ILF2: variants seen among roughly 807,000 people sequenced by gnomAD.
ILF2 encodes the protein interleukin enhancer binding factor 2.
In ILF2, 9 loss-of-function variants were observed where a neutral mutation model predicts 55.3. That is an observed-to-expected ratio of 0.16 (90% CI 0.10 to 0.28). The LOEUF (loss-of-function observed/expected upper bound fraction) is 0.28. Ranked by LOEUF, ILF2 falls within the 10% of genes least tolerant of loss-of-function variation. ILF2 has a pLI of 1.00. For missense variants in ILF2, 266 were observed against 474.9 expected (o/e 0.56, Z 4.09); for synonymous variants, 151 against 161.8 (o/e 0.93, Z 0.50).
intron 4 of ILF2, 123 bp downstream of exon 4, chr1:153,668,330 A>G (rs1669359724): frequency 7.3e-6 from 9 of 1,227,578 alleles, no homozygotes; most frequent in Non-Finnish European, 1.0e-5. Context: ...TAAGGAGAAC[A>G]ATTAAACCCT....
At position 153,662,216 on chromosome 1, in the gene ILF2, A is replaced by T. The variant is rs1314051837; in HGVS notation, c.*180T>A. The T allele has an allele frequency of 1.4e-6, 1 of 691,120 alleles. No individual in the cohort carries two copies. The highest frequency in any genetic ancestry group is 1.8e-5 in the African/African-American group (1 of 56,384). 42.8% of individuals were successfully genotyped at this position (691,120 alleles called of 1,614,324 possible). On this transcript the variant is annotated 3_prime_UTR_variant, in exon 14 of 14. Coordinates refer to ENST00000361891, the MANE Select transcript of ILF2 (RefSeq NM_004515.4). ...TATAGATGGATGGCATAGGTCACAA[A>T]TGGGAGACTGGCAGCTAAGCCAATA...
chr1:153,664,709 G>A (rs961707318), intron 8 of ILF2, among the ~76,000 whole-genome samples: 33 of 152,122 alleles, frequency 2.2e-4, no homozygotes, highest in African/African-American at 7.2e-4. Context: ...ACAGGTAACC[G>A]CCATCATGCC....
intron 10 of ILF2, 71 bp from the exon 11 acceptor site, chr1:153,663,347 G>T: frequency 7.2e-7 from 1 of 1,382,636 alleles, no homozygotes; most frequent in Non-Finnish European, 1.0e-6. Flanking sequence ...TTATTTTTTA[G>T]AGACAGGGCC....
intron 6 of ILF2, 71 bp downstream of exon 6, chr1:153,667,483 CA>C (rs922917485): frequency 4.5e-6 from 5 of 1,114,990 alleles, no homozygotes; most frequent in Non-Finnish European, 5.5e-6. Flanking sequence ...TGTCTCAAAA[CA>C]AAAAAAGATA....
chr1:153,670,008 C>A, intron 2 of ILF2, 130 bp from the exon 3 acceptor site: 1 of 1,089,544 alleles, frequency 9.2e-7, no homozygotes, highest in Non-Finnish European at 1.4e-6. Flanking sequence ...GGGAAAGAAT[C>A]ATTCTTAGCA....
Position 153,665,547 on chromosome 1 carries a change from A to G in ILF2, c.460+116T>C, listed in dbSNP as rs769339230. 5.1e-6 allele frequency: 5 copies of G among 987,028 alleles called. No homozygotes were observed. The Admixed American group carries it at 6.9e-5, about 14-fold the overall frequency. 61.1% of individuals were successfully genotyped at this position (987,028 alleles called of 1,614,324 possible). A position where few individuals can be genotyped will look rare whatever the true frequency, so the allele number is the denominator to read the frequency against. On this transcript the variant is annotated intron_variant, in intron 7 of 13. Coordinates refer to ENST00000361891, the MANE Select transcript of ILF2 (RefSeq NM_004515.4). ...CCCCTGCCAAAAACTCCCACAACAT[A>G]AAACTCTGCATTTACTCTTCCATCT...
At chr1:153,668,352 A>T in intron 4 of ILF2, 101 bp downstream of exon 4, 1 of 1,403,654 alleles carries the variant, frequency 7.1e-7, no homozygotes, top group Non-Finnish European at 9.8e-7. Flanking sequence ...TGTGGATTTC[A>T]GGCTCTGTTA....
chr1:153,665,842 G>A (rs1057507011), intron 6 of ILF2, 114 bp from the exon 7 acceptor site: 3 of 771,634 alleles, frequency 3.9e-6, no homozygotes, highest in African/African-American at 3.5e-5. Flanking sequence ...CTGAAGCAAG[G>A]GTAAGTAATA....
At chr1:153,665,552 TC>T in intron 7 of ILF2, 110 bp downstream of exon 7, 1 of 1,004,904 alleles carries the variant, frequency 1.0e-6, no homozygotes, top group East Asian at 2.4e-5. Flanking sequence ...AACATAAAAC[TC>T]TGCATTTACT....
intron 6 of ILF2, among the ~76,000 whole-genome samples, chr1:153,666,001 C>A (rs1349094606): frequency 6.6e-6 from 1 of 152,194 alleles, no homozygotes; most frequent in East Asian, 1.9e-4. Flanking sequence ...CTAGACAAAT[C>A]TTTGGGGTGA....
intron 8 of ILF2, 104 bp downstream of exon 8, chr1:153,665,116 G>T: frequency 1.4e-6 from 1 of 724,884 alleles, no homozygotes; most frequent in Non-Finnish European, 2.5e-6. Flanking sequence ...CAATTCCCAG[G>T]AAGCTGCATG....
chr1:153,662,253 T>A lies in ILF2; in HGVS notation c.*143A>T. On this transcript the variant is annotated 3_prime_UTR_variant, in exon 14 of 14. Coordinates refer to ENST00000361891, the MANE Select transcript of ILF2 (RefSeq NM_004515.4). ...CAGCTAAGCCAATATCAAAACCCAG[T>A]GGAATGACACTTCTATGGAGTTTAC... The A allele has an allele frequency of 9.7e-7, 1 of 1,030,668 alleles. No individual in the cohort carries two copies. The highest frequency in any genetic ancestry group is 3.3e-4 in the Middle Eastern group (1 of 3,040). 63.8% of individuals were successfully genotyped at this position (1,030,668 alleles called of 1,614,324 possible).
rs769108886 is a variant in ILF2 at position 153,667,557 on chromosome 1, G to A, written c.392C>T (p.Thr131Met). 17 of 1,601,336 alleles carry A rather than the reference G, an allele frequency of 1.1e-5. No homozygotes were observed. The highest frequency in any genetic ancestry group is 3.3e-5 in the South Asian group (3 of 90,804). ...DLVVILKILP[T>M]LEAVAALGNK... ...TGACCAGAAACAGGCACACTCACAC[G>A]TTGGCAGAATCTTGAGTATCACCAC... is the stretch of plus-strand genomic sequence containing the variant. The change falls in exon 6 of 14, where the codon ACG becomes ATG. Residue 131 changes from threonine to methionine, a missense_variant and splice_region_variant. Coordinates refer to ENST00000361891, the MANE Select transcript of ILF2 (RefSeq NM_004515.4).
chr1:153,665,867 A>G (rs993611393), intron 6 of ILF2, 139 bp from the exon 7 acceptor site: 14 of 660,664 alleles, frequency 2.1e-5, no homozygotes, highest in African/African-American at 3.7e-5. Context: ...ATATACTTTT[A>G]TAAGAGAAAG....
intron 2 of ILF2, 98 bp downstream of exon 2, chr1:153,670,073 C>T (rs932223877): frequency 2.3e-5 from 31 of 1,354,314 alleles, no homozygotes; most frequent in Admixed American, 7.1e-5. Flanking sequence ...AGTTGGCTCT[C>T]GCAAAACCAA....
rs370842389 is a variant in ILF2 at position 153,662,814 on chromosome 1, A to C, written c.922-19T>G. 6.3e-7 allele frequency: 1 copy of C among 1,598,302 alleles called. No homozygotes were observed. Among genetic ancestry groups the C allele is most frequent in the African/African-American group, 1.3e-5 (1 of 74,616 alleles). The stretch of plus-strand genomic sequence containing the variant: ...CCATGTCCTGAAGGAAAGCAAAGTG[A>C]GAGTAAGCAAGGAAAATCAAAGGAC... On this transcript the variant is annotated intron_variant, in intron 12 of 13. Transcript: ENST00000361891.
chr1:153,664,613 A>G lies in ILF2; in HGVS notation c.578-139T>C. 4 of 695,270 alleles carry G rather than the reference A, an allele frequency of 5.8e-6. No homozygotes were observed. The South Asian group carries it at 6.6e-5, about 12-fold the overall frequency. The allele number at this position is 695,270 out of a possible 1,614,324, so 43.1% of individuals were successfully genotyped here. A position where few individuals can be genotyped will look rare whatever the true frequency, so the allele number is the denominator to read the frequency against. On this transcript the variant is annotated intron_variant, in intron 8 of 13. Coordinates refer to ENST00000361891, the MANE Select transcript of ILF2 (RefSeq NM_004515.4). ...CTCTGTTGTCCAGGCTGGATTGCGT[A>G]CAGTGGCGTGATCTCAGCTCACTGC...
chr1:153,668,665 A>C (rs1669371432), intron 3 of ILF2, 108 bp from the exon 4 acceptor site: 1 of 1,256,048 alleles, frequency 8.0e-7, no homozygotes, highest in Non-Finnish European at 1.1e-6. Flanking sequence ...AAAATTCTAC[A>C]CTTGTTTTTA....
At chr1:153,666,432 T>C (rs1275036201) in intron 6 of ILF2, among the ~76,000 whole-genome samples, 2 of 152,112 alleles carry the variant, frequency 1.3e-5, no homozygotes, top group Admixed American at 6.5e-5. Flanking sequence ...TCCCTAAGTG[T>C]TGGGATTACA....
Sources: allele counts gnomAD v4.1 joint callset (sites outside exome capture counted in the v4.1 genomes callset), GRCh38; gene constraint gnomAD v4.1.1; transcripts MANE v1.5; gene names NCBI Gene and HGNC (gene_info 2026-07-23, HGNC 2026-07-21).